SLC4A7: variants seen among roughly 807,000 people sequenced by gnomAD.
SLC4A7 encodes solute carrier family 4 member 7.
In SLC4A7, 51 loss-of-function variants were observed where a neutral mutation model predicts 137.6. That is an observed-to-expected ratio of 0.37 (90% confidence interval 0.30 to 0.47). The LOEUF (loss-of-function observed/expected upper bound fraction) is 0.47. Among genes scored for constraint, SLC4A7 ranks in the 20% least tolerant of loss-of-function variants. The probability of loss-of-function intolerance (pLI) is 1.00; values close to 1 mark genes in which losing one functional copy is unlikely to be tolerated. For synonymous variants in SLC4A7, 542 were observed against 518.6 expected, an observed-to-expected ratio of 1.05 and a Z score of -0.61; for missense variants, 1,247 against 1,525.4, an observed-to-expected ratio of 0.82 and a Z score of 3.04.
intron 23 of SLC4A7, 124 bp from the exon 24 acceptor site, chr3:27,383,374 C>G: frequency 1.4e-6 from 1 of 696,118 alleles, no homozygotes; most frequent in South Asian, 1.7e-5. Flanking sequence ...ACTGCCATTA[C>G]TGAAAAATTT....
intron 1 of SLC4A7, among the ~76,000 whole-genome samples, chr3:27,466,641 A>G (rs2059015140): frequency 1.3e-5 from 2 of 152,150 alleles, no homozygotes; most frequent in Non-Finnish European, 2.9e-5. Flanking sequence ...CAGCCTAGCC[A>G]ATATGACGGA....
chr3:27,468,762 G>A (rs1156988929), intron 1 of SLC4A7, among the ~76,000 whole-genome samples: 1 of 152,056 alleles, frequency 6.6e-6, no homozygotes, highest in Non-Finnish European at 1.5e-5. Flanking sequence ...ACAAGATGTT[G>A]CATGCAATGA....
intron 1 of SLC4A7, among the ~76,000 whole-genome samples, chr3:27,452,948 T>A (rs923942609): frequency 6.6e-6 from 1 of 152,114 alleles, no homozygotes; most frequent in African/African-American, 2.4e-5. Context: ...TTGTCAAAAA[T>A]AAGCAGACTC....
At chr3:27,409,287 A>C in intron 13 of SLC4A7, 69 bp downstream of exon 13, 1 of 1,204,410 alleles carries the variant, frequency 8.3e-7, no homozygotes, top group Non-Finnish European at 1.2e-6. Context: ...ATGAATAGTG[A>C]GACAAATGCA....
At chr3:27,411,340 C>T (rs533000341) in intron 12 of SLC4A7, among the ~76,000 whole-genome samples, 25 of 152,154 alleles carry the variant, frequency 1.6e-4, no homozygotes, top group Middle Eastern at 6.9e-3. Context: ...TAAGACTCTA[C>T]ACCTTCTTCA....
chr3:27,409,813 C>T (rs1192454207), intron 12 of SLC4A7, among the ~76,000 whole-genome samples: 1 of 152,020 alleles, frequency 6.6e-6, no homozygotes, highest in Non-Finnish European at 1.5e-5. Flanking sequence ...ATTTTGGACA[C>T]AAATGTGCAA....
At chr3:27,438,531 A>G (rs2056924548) in intron 3 of SLC4A7, among the ~76,000 whole-genome samples, 1 of 151,422 alleles carries the variant, frequency 6.6e-6, no homozygotes. Context: ...ATAACACAAA[A>G]TAAAATAAAA....
At chr3:27,382,548 CTTAAAT>C (rs2050530757) in intron 24 of SLC4A7, among the ~76,000 whole-genome samples, 1 of 152,068 alleles carries the variant, frequency 6.6e-6, no homozygotes, top group African/African-American at 2.4e-5. Context: ...ATCTTTAGTT[CTTAAAT>C]TTAAATATAA....
intron 3 of SLC4A7, among the ~76,000 whole-genome samples, chr3:27,443,315 C>G (rs1327222357): frequency 6.6e-6 from 1 of 152,090 alleles, no homozygotes; most frequent in Non-Finnish European, 1.5e-5. Flanking sequence ...CAGGCATGAG[C>G]CACCAGGCTT....
chr3:27,454,160 A>G (rs982244806), intron 1 of SLC4A7, among the ~76,000 whole-genome samples: 1 of 152,118 alleles, frequency 6.6e-6, no homozygotes, highest in East Asian at 1.9e-4. Flanking sequence ...ATTTAATAAA[A>G]TTTTTAATTA....
chr3:27,409,540 T>C lies in SLC4A7; in HGVS notation c.1767-10A>G, dbSNP rs2053702813. ...CAAACCACCAAAAAGCCTAAATAGG[T>C]GAGATGAAACTCGTCAAACTGTACA... On this transcript the variant is annotated splice_polypyrimidine_tract_variant and intron_variant, in intron 12 of 25. Coordinates refer to ENST00000454389, the MANE Select transcript of SLC4A7 (RefSeq NM_001321103.2). The C allele has an allele frequency of 1.9e-6, 3 of 1,606,766 alleles. No homozygotes were observed. In the African/African-American group the frequency reaches 4.0e-5, roughly 22 times the overall value.
chr3:27,474,111 A>G (rs1172683143), intron 1 of SLC4A7, among the ~76,000 whole-genome samples: 1 of 152,200 alleles, frequency 6.6e-6, no homozygotes, highest in Non-Finnish European at 1.5e-5. Flanking sequence ...CTAAATTTTG[A>G]AAGTCTAACA....
rs371846527 is a variant in SLC4A7 at position 27,452,494 on chromosome 3, G to C, written c.65C>G (p.Pro22Arg). The C allele has an allele frequency of 3.7e-6, 6 of 1,600,764 alleles. No individual in the cohort carries two copies. The African/African-American group carries it at 6.7e-5, about 18-fold the overall frequency. The change falls in exon 2 of 26, where the codon CCT (proline) becomes CGT (arginine). Residue 22 changes from proline (P) to arginine (R), a missense_variant. By Grantham distance (103) the Pro-to-Arg change is moderately radical (BLOSUM62 -2). This residue lies in a region of SLC4A7 where 176 missense variants were observed against 186.4 expected (regional missense o/e 0.94). Coordinates refer to ENST00000454389, the MANE Select transcript of SLC4A7 (RefSeq NM_001321103.2). ...AAGATCCACAACAGCTTCTTCATCA[G>C]GACCCTAAAAACAAATTATTCTCAT... ...PLLTRVTSRG[P>R]DEEAVVDLGK...
intron 24 of SLC4A7, among the ~76,000 whole-genome samples, chr3:27,381,575 G>A (rs556939355): frequency 2.6e-5 from 4 of 151,870 alleles, no homozygotes; most frequent in Middle Eastern, 3.4e-3. Context: ...ATAGCAAAAC[G>A]TATAGAGCAA....
rs558604672 is a variant in SLC4A7 at position 27,442,830 on chromosome 3, A to G, written c.290-5304T>C. 3.5e-4 allele frequency among the ~76,000 whole-genome samples: 53 copies of G among 152,114 alleles called. 1 individual carries two copies. The South Asian group carries it at 5.4e-3, about 15-fold the overall frequency. On this transcript the variant is annotated intron_variant, in intron 3 of 25. Transcript: ENST00000454389. ...ATGGAGTCCTGCTAACAGGCTGTCCATCTCACCAACTGAATTCCTGGTTAC... is the reference window on the plus strand; with the variant it reads ...ATGGAGTCCTGCTAACAGGCTGTCCGTCTCACCAACTGAATTCCTGGTTAC...
chr3:27,482,006 G>A (rs1472931991), intron 1 of SLC4A7, among the ~76,000 whole-genome samples: 3 of 152,162 alleles, frequency 2.0e-5, no homozygotes, highest in Admixed American at 6.6e-5. Context: ...GGTGGCACAT[G>A]CCTGTAATCC....
At chr3:27,379,494 C>A in intron 24 of SLC4A7, 138 bp from the exon 25 acceptor site, 1 of 561,388 alleles carries the variant, frequency 1.8e-6, no homozygotes, top group Non-Finnish European at 3.2e-6. Flanking sequence ...GTTACAAAGT[C>A]CTTATGAAGA....
At chr3:27,463,803 A>T (rs1378357697) in intron 1 of SLC4A7, among the ~76,000 whole-genome samples, 3 of 152,188 alleles carry the variant, frequency 2.0e-5, no homozygotes, top group African/African-American at 7.2e-5. Context: ...GCAGCCTGTT[A>T]GCAGGACTCC....
At chr3:27,461,960 A>C (rs1038718354) in intron 1 of SLC4A7, among the ~76,000 whole-genome samples, 9 of 151,804 alleles carry the variant, frequency 5.9e-5, no homozygotes, top group African/African-American at 2.2e-4. Context: ...ATTCCATCTC[A>C]AAAAAAAGAT....
Sources: gnomAD v4.1 joint callset for allele counts (sites outside exome capture counted in the v4.1 genomes callset) on GRCh38, gnomAD v4.1.1 for gene constraint, gnomAD v4.1.1 regional missense constraint, MANE v1.5 for transcripts, NCBI Gene and HGNC (gene_info 2026-07-23, HGNC 2026-07-21) for gene names.